OSBPL9: variants seen among roughly 807,000 people sequenced by gnomAD.
OSBPL9 encodes oxysterol-binding protein-related protein 9.
A neutral mutation model predicts 106.6 loss-of-function variants in OSBPL9; 40 were observed. That is an observed-to-expected ratio of 0.38 (90% CI 0.29 to 0.49). OSBPL9 has a LOEUF of 0.49. Among genes scored for constraint, OSBPL9 ranks in the 20% least tolerant of loss-of-function variants. The pLI is 0.97. For missense variants in OSBPL9, 609 were observed against 887.2 expected, an observed-to-expected ratio of 0.69 and a Z score of 3.98; for synonymous variants, 269 against 295.4, an observed-to-expected ratio of 0.91 and a Z score of 0.92.
Position 51,784,641 on chromosome 1 carries a change from T to TAA in OSBPL9, c.1829+59_1829+60insAA. ...TTTTCTGAAATAACTGCCTTTTGTC[T>TAA]TGAACTACAGCTTCTGGATTAGGAG... On this transcript the variant is annotated intron_variant, in intron 20 of 23. Coordinates refer to ENST00000428468, the MANE Select transcript of OSBPL9 (RefSeq NM_024586.6). 5 of 1,548,578 alleles carry TAA rather than the reference T, an allele frequency of 3.2e-6. No individual in the cohort carries two copies. In the Admixed American group the frequency reaches 8.6e-5, roughly 27 times the overall value.
rs903005802 is a variant in OSBPL9, at chr1:51,777,439, A to G, written c.1256+521A>G. ...ATATGTATGAGATAGAAGTAATGTA[A>G]AGGTGAAATTGATTTACAAGGAGGT... is the stretch of plus-strand genomic sequence containing the variant. On this transcript the variant is annotated intron_variant, in intron 15 of 23. Transcript: ENST00000428468. 7.9e-5 allele frequency among the ~76,000 whole-genome samples: 12 copies of G among 152,182 alleles called. 1 individual carries two copies. The highest frequency in any genetic ancestry group is 2.7e-4 in the African/African-American group (11 of 41,446).
intron 1 of OSBPL9, among the ~76,000 whole-genome samples, chr1:51,644,779 G>A (rs904657457): frequency 7.2e-5 from 11 of 152,100 alleles, no homozygotes; most frequent in African/African-American, 2.2e-4. Flanking sequence ...GACTTTGCCC[G>A]CAGATTCTTC....
At chr1:51,711,367 G>A (rs538607689) in intron 3 of OSBPL9, among the ~76,000 whole-genome samples, 2 of 146,354 alleles carry the variant, frequency 1.4e-5, no homozygotes, top group South Asian at 2.2e-4. Context: ...CGGACTAGGC[G>A]GCTGGCCGGG....
chr1:51,579,856 AAATAATAAT>A lies in OSBPL9; in HGVS notation c.-423+2625_-423+2633del, dbSNP rs34556128. 6.3e-3 allele frequency among the ~76,000 whole-genome samples: 899 copies of A among 143,834 alleles called. 10 individuals carry two copies. The highest frequency in any genetic ancestry group is 0.022 in the African/African-American group (820 of 37,842). 94.4% of individuals were successfully genotyped at this position (143,834 alleles called of 152,430 possible). ...GGCGACAGAGTGAGACTCTGTCTCA[AAATAATAAT>A]AATAATAATAATAATAATAATAATT... On this transcript the variant is annotated intron_variant, in intron 1 of 25. Coordinates refer to the OSBPL9 transcript ENST00000371714.
At chr1:51,639,312 G>A (rs114851461) in intron 1 of OSBPL9, among the ~76,000 whole-genome samples, 2 of 152,128 alleles carry the variant, frequency 1.3e-5, no homozygotes, top group Non-Finnish European at 2.9e-5. Context: ...GTAGATGGTC[G>A]AAGGTACAAC....
At chr1:51,586,435 T>C (rs1645248588) in intron 1 of OSBPL9, among the ~76,000 whole-genome samples, 1 of 152,224 alleles carries the variant, frequency 6.6e-6, no homozygotes, top group African/African-American at 2.4e-5. Flanking sequence ...TATCATACTT[T>C]ACTAAATTGA....
chr1:51,782,748 CTGTG>C, intron 17 of OSBPL9, 105 bp downstream of exon 17: 2 of 898,716 alleles, frequency 2.2e-6, no homozygotes, highest in South Asian at 2.0e-5. Context: ...GTGTGACTAG[CTGTG>C]TGTTTCTTAT....
intron 1 of OSBPL9, among the ~76,000 whole-genome samples, chr1:51,630,456 G>A (rs1404879940): frequency 6.6e-6 from 1 of 151,858 alleles, no homozygotes; most frequent in East Asian, 1.9e-4. Context: ...TAATATAATG[G>A]TAAATATTTG....
chr1:51,722,646 C>A (rs998150474), intron 4 of OSBPL9, among the ~76,000 whole-genome samples: 10 of 152,166 alleles, frequency 6.6e-5, no homozygotes, highest in Non-Finnish European at 1.5e-4. Context: ...TCATTCCTAA[C>A]CTTGAACCAA....
the OSBPL9 span, among the ~76,000 whole-genome samples, chr1:51,518,776 G>C: frequency 4.0e-5 from 6 of 151,772 alleles, no homozygotes; most frequent in Non-Finnish European, 8.8e-5. Context: ...AGCCTCGTGC[G>C]GCCCGGGGGT....
chr1:51,518,936 G>A, the OSBPL9 span, among the ~76,000 whole-genome samples: 2 of 151,340 alleles, frequency 1.3e-5, no homozygotes, highest in African/African-American at 4.8e-5. Flanking sequence ...CGGCAGCGGC[G>A]CGGAGGGCGG....
Position 51,729,698 on chromosome 1 carries a change from C to T in OSBPL9, c.318+15619C>T, listed in dbSNP as rs905175616. The T allele has an allele frequency of 4.9e-6, 3 of 614,634 alleles. No homozygotes were observed. The East Asian group carries it at 1.1e-4, about 23-fold the overall frequency. 38.1% of individuals were successfully genotyped at this position (614,634 alleles called of 1,614,324 possible). ...CAACCGCCAATCGTCTGCCTCTCAC[C>T]TCCTACAGCAGGTGACCCATGGCCA... On this transcript the variant is annotated intron_variant, in intron 4 of 23. Transcript: ENST00000428468. The surrounding 1 kb of genome is among the most constrained non-coding windows in gnomAD (Gnocchi z 5.1).
chr1:51,748,870 G>A (rs1218630279), intron 7 of OSBPL9, among the ~76,000 whole-genome samples: 3 of 152,088 alleles, frequency 2.0e-5, no homozygotes, highest in African/African-American at 7.2e-5. Context: ...CGGATCACCT[G>A]AGGTTGGGAG....
chr1:51,744,365 G>T (rs1413065785), intron 4 of OSBPL9, among the ~76,000 whole-genome samples: 1 of 152,162 alleles, frequency 6.6e-6, no homozygotes, highest in Non-Finnish European at 1.5e-5. Context: ...TATTGTGTTA[G>T]TGAATGCACT....
chr1:51,643,419 A>G (rs1234649681), intron 1 of OSBPL9, among the ~76,000 whole-genome samples: 1 of 152,132 alleles, frequency 6.6e-6, no homozygotes, highest in Non-Finnish European at 1.5e-5. Flanking sequence ...TAGCCAGTAA[A>G]AAGAGTGAGG....
chr1:51,711,477 T>C (rs1389464303), intron 3 of OSBPL9, among the ~76,000 whole-genome samples: 10 of 93,700 alleles, frequency 1.1e-4, no homozygotes, highest in African/African-American at 1.1e-4. Context: ...CCCCCCCACC[T>C]CCCTCCCGGA....
At chr1:51,589,141 T>G (rs1419551520) in intron 1 of OSBPL9, among the ~76,000 whole-genome samples, 1 of 151,890 alleles carries the variant, frequency 6.6e-6, no homozygotes, top group African/African-American at 2.4e-5. Context: ...CAGGCTGGAG[T>G]GCAGTGGCAC....
chr1:51,528,127 A>T, the OSBPL9 span, among the ~76,000 whole-genome samples: 2 of 151,944 alleles, frequency 1.3e-5, no homozygotes, highest in Non-Finnish European at 2.9e-5. Flanking sequence ...CTCTGTCCCA[A>T]AAAAAACCAA....
chr1:51,530,384 A>T, the OSBPL9 span, among the ~76,000 whole-genome samples: 1 of 151,864 alleles, frequency 6.6e-6, no homozygotes, highest in East Asian at 1.9e-4. Context: ...AATGGGAGAA[A>T]ATATTTGCAA....
Sources: allele counts gnomAD v4.1 joint callset (sites outside exome capture counted in the v4.1 genomes callset), GRCh38; gene constraint gnomAD v4.1.1; non-coding constraint Gnocchi (gnomAD v3.1); transcripts MANE v1.5; gene names NCBI Gene and HGNC (gene_info 2026-07-23, HGNC 2026-07-21).